Variants in CCDC127 observed in about 807,000 individuals in gnomAD.
The protein encoded by CCDC127 is coiled-coil domain-containing protein 127.
Under a neutral mutation model 4.1 loss-of-function variants are expected in CCDC127, and 2 were observed. That is an observed-to-expected ratio of 0.49 (90% CI 0.20 to 1.53). The LOEUF (loss-of-function observed/expected upper bound fraction) is 1.53, where lower values mean the gene tolerates loss of function less well. CCDC127 is among the 40% of genes most tolerant of loss of function. CCDC127 has a pLI of 0.23. For missense variants in CCDC127, 271 were observed against 322.9 expected (o/e 0.84, Z 1.23); for synonymous variants, 98 against 120.4 (o/e 0.81, Z 1.22).
chr5:204,652 C>A lies in CCDC127; in HGVS notation c.*645G>T, dbSNP rs1323934974. On this transcript the variant is annotated 3_prime_UTR_variant, in exon 3 of 3. Transcript: ENST00000296824. ...GATACAACACACACACATTAGGTAA[C>A]AACTGCATACAACACACACACATTA... 1 of 152,210 alleles carries A rather than the reference C, an allele frequency of 6.6e-6. No individual in the cohort carries two copies. Among genetic ancestry groups the A allele is most frequent in the Non-Finnish European group, 1.5e-5 (1 of 68,068 alleles). 9.4% of individuals were successfully genotyped at this position (152,210 alleles called of 1,614,324 possible).
intron 1 of CCDC127, 118 bp downstream of exon 1, chr5:217,975 C>T: frequency 1.8e-6 from 1 of 541,788 alleles, no homozygotes; most frequent in Non-Finnish European, 2.5e-6. Context: ...CCCCCTCCGA[C>T]CCCATTCCCT....
rs1241918831 is a variant in CCDC127, at chr5:204,383, T to C, written c.*914A>G. On this transcript the variant is annotated 3_prime_UTR_variant, in exon 3 of 3. Transcript: ENST00000296824. ...TGAGGATTCCATGAGTGAACAGGTA[T>C]ACAGGCTCAATTCCCAGTAGCTATG... 6.6e-6 allele frequency: 1 copy of C among 152,244 alleles called. No individual in the cohort carries two copies. The highest frequency in any genetic ancestry group is 2.4e-5 in the African/African-American group (1 of 41,454). The allele number at this position is 152,244 out of a possible 1,614,324, so 9.4% of individuals were successfully genotyped here. A position where few individuals can be genotyped will look rare whatever the true frequency, so the allele number is the denominator to read the frequency against.
chr5:202,475 C>T lies in CCDC127; in HGVS notation c.*2822G>A, dbSNP rs1211803603. On this transcript the variant is annotated 3_prime_UTR_variant, in exon 3 of 3. Transcript: ENST00000296824. ...TGGCAGGCACCTGTAGTCCCAGCTA[C>T]TCGGGAGGCTGAGGCAGGCAAACTA... 5 of 152,270 alleles carry T rather than the reference C, an allele frequency of 3.3e-5. No individual in the cohort carries two copies. Among genetic ancestry groups the T allele is most frequent in the Non-Finnish European group, 7.3e-5 (5 of 68,144 alleles). 9.4% of individuals were successfully genotyped at this position (152,270 alleles called of 1,614,324 possible).
intron 2 of CCDC127, among the ~76,000 whole-genome samples, chr5:213,557 G>A (rs991244162): frequency 1.4e-5 from 2 of 147,740 alleles, no homozygotes; most frequent in African/African-American, 5.1e-5. Flanking sequence ...CAGCCACGAC[G>A]AGACAGCACC....
chr5:197,017 G>C lies in CCDC127; in HGVS notation c.*8280C>G, dbSNP rs867554626. 1 of 150,064 alleles carries C rather than the reference G, an allele frequency of 6.7e-6. No individual in the cohort carries two copies. Among genetic ancestry groups the C allele is most frequent in the African/African-American group, 2.5e-5 (1 of 39,692 alleles). The allele number at this position is 150,064 out of a possible 1,614,324, so 9.3% of individuals were successfully genotyped here. ...AGTAGGAGAGCAGGGTGATAATAAG[G>C]AGGAGGTCAGCAAAAACGTGTGAGC... On this transcript the variant is annotated 3_prime_UTR_variant, in exon 3 of 3. Coordinates refer to ENST00000296824, the MANE Select transcript of CCDC127 (RefSeq NM_145265.3).
At chr5:213,927 A>C (rs1734327601) in intron 2 of CCDC127, 1 of 152,272 alleles carries the variant, frequency 6.6e-6, no homozygotes, top group African/African-American at 2.4e-5. Context: ...ATAACAGCTG[A>C]AAACTGGAAA....
chr5:208,434 G>C (rs1734218716), intron 2 of CCDC127, among the ~76,000 whole-genome samples: 2 of 152,250 alleles, frequency 1.3e-5, no homozygotes, highest in Non-Finnish European at 2.9e-5. Flanking sequence ...TAGAGGCCTG[G>C]CAAGAGAGAA....
chr5:210,420 A>G (rs1437766583), intron 2 of CCDC127, among the ~76,000 whole-genome samples: 1 of 151,328 alleles, frequency 6.6e-6, no homozygotes, highest in Non-Finnish European at 1.5e-5. Context: ...TCTAAGACAT[A>G]TTAACAACTC....
In CCDC127 at chr5:205,733, T is replaced by C. The variant is rs760669061; in HGVS notation, c.347A>G (p.Glu116Gly). The C allele has an allele frequency of 6.2e-7, 1 of 1,614,032 alleles. No individual in the cohort carries two copies. The highest frequency in any genetic ancestry group is 8.5e-7 in the Non-Finnish European group (1 of 1,180,018). ...CCGTTCCTGTTCCAGAAGCTTCTTT[T>C]CTTCTACCAACTTGCGTCCCTGAGA... ...LISQGRKLVEEKKLLEQERAQ... is the reference protein window; with the variant it reads ...LISQGRKLVEGKKLLEQERAQ... The change falls in exon 3 of 3, where the codon GAA becomes GGA. Residue 116 changes from glutamate (E) to glycine (G), a missense_variant. Around this residue, in one of 2 missense-constraint regions of CCDC127, gnomAD observed 265 missense variants for 270.9 expected, o/e 0.98. Transcript: ENST00000296824.
rs1734151938 is a variant in CCDC127, at chr5:205,442, A to T, written c.638T>A (p.Phe213Tyr). ...ATCACCACAGTATGTATCATGCTGA[A>T]ATATGTCGGTGAGACCGGCTGCCAT... is the stretch of plus-strand genomic sequence containing the variant. ...LEMAAGLTDI[F>Y]QHDTYCGDVW... The change falls in exon 3 of 3, where the codon TTT becomes TAT. Residue 213 changes from phenylalanine (F) to tyrosine (Y), a missense_variant. Transcript: ENST00000296824. The T allele has an allele frequency of 6.2e-7, 1 of 1,614,230 alleles. No individual in the cohort carries two copies. The highest frequency in any genetic ancestry group is 8.5e-7 in the Non-Finnish European group (1 of 1,180,044).
At position 198,965 on chromosome 5, in the gene CCDC127, G is replaced by A. The variant is rs564904636; in HGVS notation, c.*6332C>T. 2 of 152,454 alleles carry A rather than the reference G, an allele frequency of 1.3e-5. No individual in the cohort carries two copies. Among genetic ancestry groups the A allele is most frequent in the African/African-American group, 4.8e-5 (2 of 41,588 alleles). The allele number at this position is 152,454 out of a possible 1,614,324, so 9.4% of individuals were successfully genotyped here. A position where few individuals can be genotyped will look rare whatever the true frequency, so the allele number is the denominator to read the frequency against. Reference sequence around the variant, plus strand: ...AAACATCCATGGTGGCTGTAGCTGGGGCTGCTCCTGGCGGAGCCTCAGGGT... The same window carrying A: ...AAACATCCATGGTGGCTGTAGCTGGAGCTGCTCCTGGCGGAGCCTCAGGGT... On this transcript the variant is annotated 3_prime_UTR_variant, in exon 3 of 3. Coordinates refer to ENST00000296824, the MANE Select transcript of CCDC127 (RefSeq NM_145265.3).
chr5:205,220 G>T lies in CCDC127; in HGVS notation c.*77C>A. On this transcript the variant is annotated 3_prime_UTR_variant, in exon 3 of 3. Transcript: ENST00000296824. ...GCCATGACACGGGCAGCACGGGAAC[G>T]GAAGACGCCGGAGACCCAGAAGGCG... The T allele has an allele frequency of 1.5e-6, 2 of 1,361,582 alleles. No individual in the cohort carries two copies. Among genetic ancestry groups the T allele is most frequent in the Non-Finnish European group, 2.0e-6 (2 of 988,180 alleles). 84.3% of individuals were successfully genotyped at this position (1,361,582 alleles called of 1,614,324 possible).
In CCDC127 at chr5:197,205, TCTC is replaced by T. The variant is rs1320927697; in HGVS notation, c.*8089_*8091del. The T allele has an allele frequency of 2.6e-5, 4 of 152,230 alleles. No individual in the cohort carries two copies. The highest frequency in any genetic ancestry group is 9.7e-5 in the African/African-American group (4 of 41,436). 9.4% of individuals were successfully genotyped at this position (152,230 alleles called of 1,614,324 possible). A position where few individuals can be genotyped will look rare whatever the true frequency, so the allele number is the denominator to read the frequency against. On this transcript the variant is annotated 3_prime_UTR_variant, in exon 3 of 3. Transcript: ENST00000296824. ...TCGCCTCCCGCCACAAGGCGGCTTTTCTCCTGTCTCAGAGTTGAACAAATGTAC... is the reference window on the plus strand; with the variant it reads ...TCGCCTCCCGCCACAAGGCGGCTTTTCTGTCTCAGAGTTGAACAAATGTAC...
Position 210,185 on chromosome 5 carries a change from TGTAAAACTA to T in CCDC127, c.122-4236_122-4228del, listed in dbSNP as rs529005302. Among the ~76,000 whole-genome samples the T allele has an allele frequency of 4.5e-3, 689 of 152,310 alleles. 5 individuals are homozygous for T. The highest frequency in any genetic ancestry group is 8.4e-3 in the Non-Finnish European group (573 of 68,024). ...AATGGGTAAGGGCTTAAATGTAAAA[TGTAAAACTA>T]AAACTTTAGGAAGAAAAAACCTTCA... On this transcript the variant is annotated intron_variant, in intron 2 of 2. Transcript: ENST00000296824.
At position 205,777 on chromosome 5, in the gene CCDC127, A is replaced by G. The variant is rs775110774; in HGVS notation, c.303T>C (p.Ser101=). 1 of 1,614,166 alleles carries G rather than the reference A, an allele frequency of 6.2e-7. No individual in the cohort carries two copies. Among genetic ancestry groups the G allele is most frequent in the East Asian group, 2.2e-5 (1 of 44,886 alleles). ...ELEKEQNRTA[S]YREALISQGR... ...CCTGAGAGATAAGGGCTTCTCGGTA[A>G]CTAGCAGTTCTGTTTTGTTCCTTTT... Residue 101 remains serine, a synonymous_variant, in exon 3 of 3, where the codon AGT becomes AGC. Transcript: ENST00000296824.
rs1227404234 is a variant in CCDC127 at position 197,032 on chromosome 5, A to T, written c.*8265T>A. ...TGATAATAAGGAGGAGGTCAGCAAA[A>T]ACGTGTGAGCAAAAGAATCTATGTC... On this transcript the variant is annotated 3_prime_UTR_variant, in exon 3 of 3. Coordinates refer to ENST00000296824, the MANE Select transcript of CCDC127 (RefSeq NM_145265.3). 1.3e-5 allele frequency: 2 copies of T among 149,614 alleles called. No homozygotes were observed. The highest frequency in any genetic ancestry group is 2.1e-4 in the South Asian group (1 of 4,776). 9.3% of individuals were successfully genotyped at this position (149,614 alleles called of 1,614,324 possible). A position where few individuals can be genotyped will look rare whatever the true frequency, so the allele number is the denominator to read the frequency against.
chr5:211,248 C>T (rs1734281077), intron 2 of CCDC127, among the ~76,000 whole-genome samples: 2 of 119,696 alleles, frequency 1.7e-5, no homozygotes, highest in African/African-American at 6.8e-5. Context: ...CACCACACAC[C>T]CATCATGATG....
At chr5:210,660 C>T (rs1471100796) in intron 2 of CCDC127, among the ~76,000 whole-genome samples, 10 of 138,712 alleles carry the variant, frequency 7.2e-5, no homozygotes, top group Admixed American at 3.5e-4. Flanking sequence ...AGTGTGAGCA[C>T]GCTGATGCTC....
chr5:208,487 GA>G (rs1264437732), intron 2 of CCDC127, among the ~76,000 whole-genome samples: 1 of 152,204 alleles, frequency 6.6e-6, no homozygotes, highest in East Asian at 1.9e-4. Context: ...AAATAACACA[GA>G]AAAAACTACG....
Sources: gnomAD v4.1 joint callset for allele counts (sites outside exome capture counted in the v4.1 genomes callset) on GRCh38, gnomAD v4.1.1 for gene constraint, gnomAD v4.1.1 regional missense constraint, MANE v1.5 for transcripts, NCBI Gene and HGNC (gene_info 2026-07-23, HGNC 2026-07-21) for gene names.